Variants in HERC2 observed in about 807,000 individuals in gnomAD.
HERC2 encodes HECT and RLD domain containing E3 ubiquitin protein ligase 2, also known as E3 ubiquitin-protein ligase HERC2.
HERC2 carries 102 observed loss-of-function variants against 537.7 expected under a neutral mutation model. The observed-to-expected ratio is 0.19, with a 90% CI of 0.16 to 0.22. The LOEUF (loss-of-function observed/expected upper bound fraction) is 0.22. HERC2 is among the 10% of genes least tolerant of loss of function. The probability of loss-of-function intolerance (pLI) is 1.00; values close to 1 mark genes in which losing one functional copy is unlikely to be tolerated. For missense variants in HERC2, 4,236 were observed against 6,198.2 expected (o/e 0.68, Z 10.63); for synonymous variants, 2,224 against 2,466.2 (o/e 0.90, Z 2.91).
intron 2 of HERC2, among the ~76,000 whole-genome samples, chr15:28,310,570 TTCAG>T (rs1444950874): frequency 1.3e-5 from 2 of 152,184 alleles, no homozygotes; most frequent in Admixed American, 6.5e-5. Context: ...TCTTCTAGTC[TTCAG>T]TCAGAGGAGG....
At chr15:28,173,945 T>G (rs1340882429) in intron 65 of HERC2, among the ~76,000 whole-genome samples, 1 of 151,982 alleles carries the variant, frequency 6.6e-6, no homozygotes, top group African/African-American at 2.4e-5. Flanking sequence ...AGAGGAACGC[T>G]GGGGTAGTGT....
At chr15:28,317,238 A>G (rs1216809730) in intron 2 of HERC2, among the ~76,000 whole-genome samples, 1 of 152,086 alleles carries the variant, frequency 6.6e-6, no homozygotes, top group African/African-American at 2.4e-5. Context: ...TTACAAGCGC[A>G]CACTACCACG....
chr15:28,210,311 T>C (rs1899039984), intron 44 of HERC2, among the ~76,000 whole-genome samples: 1 of 152,046 alleles, frequency 6.6e-6, no homozygotes, highest in South Asian at 2.1e-4. Flanking sequence ...TGTTTTGTAT[T>C]TTTAGTAGAA....
intron 20 of HERC2, among the ~76,000 whole-genome samples, chr15:28,253,028 C>G (rs1215171603): frequency 3.9e-5 from 6 of 152,218 alleles, no homozygotes; most frequent in Non-Finnish European, 8.8e-5. Flanking sequence ...CAGTGCTTTG[C>G]TTTCTCTATG....
intron 23 of HERC2, among the ~76,000 whole-genome samples, chr15:28,244,229 G>A (rs1046976138): frequency 4.6e-5 from 7 of 152,116 alleles, no homozygotes; most frequent in African/African-American, 1.4e-4. Context: ...CCATCAACAA[G>A]TAGAATGAAT....
chr15:28,209,641 C>G (rs1898914059), intron 44 of HERC2, among the ~76,000 whole-genome samples: 1 of 152,144 alleles, frequency 6.6e-6, no homozygotes, highest in Non-Finnish European at 1.5e-5. Flanking sequence ...CCGCGCCAGG[C>G]CTATATATCA....
chr15:28,141,627 T>A lies in HERC2; in HGVS notation c.11820A>T (p.Arg3940=). The A allele has an allele frequency of 6.2e-7, 1 of 1,614,164 alleles. No homozygotes were observed. Among genetic ancestry groups the A allele is most frequent in the South Asian group, 1.1e-5 (1 of 91,088 alleles). ...DEQLVQWMNR[R]PDDWTLSAGG... ...CAGCAGAGAGAGTCCAGTCATCTGGTCGCCTACAATACACATCAAGTGAGC... is the reference window on the plus strand; with the variant it reads ...CAGCAGAGAGAGTCCAGTCATCTGGACGCCTACAATACACATCAAGTGAGC... Residue 3940 remains arginine (R), a synonymous_variant, in exon 78 of 93, where the codon CGA becomes CGT. Coordinates refer to ENST00000261609, the MANE Select transcript of HERC2 (RefSeq NM_004667.6).
intron 14 of HERC2, among the ~76,000 whole-genome samples, chr15:28,264,305 A>C (rs990753178): frequency 3.3e-5 from 5 of 152,210 alleles, no homozygotes; most frequent in African/African-American, 1.2e-4. Context: ...CTGCATGCCA[A>C]TACAACTCTA....
rs201933251 is a variant in HERC2 at position 28,167,784 on chromosome 15, G to A, written c.10457C>T (p.Pro3486Leu). Reference protein sequence around the residue: ...EDAVTPSAVTPSAPSASARPF... With the variant: ...EDAVTPSAVTLSAPSASARPF... ...CCGAGCGGAGGCTGAGGGGGCCGACGGAGTCACTGCAGAGGGGGTCACTGC... is the reference window on the plus strand; with the variant it reads ...CCGAGCGGAGGCTGAGGGGGCCGACAGAGTCACTGCAGAGGGGGTCACTGC... The change falls in exon 68 of 93, where the codon CCG becomes CTG. Residue 3486 changes from proline to leucine, a missense_variant. Pro to Leu is a moderately conservative substitution (Grantham distance 98). This residue lies in a region of HERC2 where 356 missense variants were observed against 450.9 expected (regional missense o/e 0.79). Transcript: ENST00000261609. 1.2e-5 allele frequency: 20 copies of A among 1,614,152 alleles called. No individual in the cohort carries two copies. Among genetic ancestry groups the A allele is most frequent in the East Asian group, 6.7e-5 (3 of 44,884 alleles).
intron 5 of HERC2, among the ~76,000 whole-genome samples, chr15:28,276,898 C>T (rs932459883): frequency 6.6e-6 from 1 of 151,984 alleles, no homozygotes; most frequent in Non-Finnish European, 1.5e-5. Flanking sequence ...GGAAACACAA[C>T]AAGACCCCAG....
intron 2 of HERC2, chr15:28,316,155 G>T: frequency 3.8e-6 from 1 of 260,750 alleles, no homozygotes; most frequent in Non-Finnish European, 7.8e-6. Context: ...CCTGGGAGGT[G>T]GAGGTTGCAG....
At chr15:28,224,257 T>C (rs1245458046) in intron 35 of HERC2, among the ~76,000 whole-genome samples, 2 of 151,580 alleles carry the variant, frequency 1.3e-5, no homozygotes, top group African/African-American at 2.4e-5. Context: ...TCGCCCAGGC[T>C]GGAGCCCAGG....
chr15:28,114,793 C>A lies in HERC2; in HGVS notation c.13732G>T (p.Asp4578Tyr). ...TIADLSEVDK[D>Y]FIPGLMYIRD... is the part of the protein sequence containing the mutation. ...ATGTACATGAGTCCAGGAATAAAAT[C>A]CTTATCAACCTTTTAAGGAGAAAAA... Residue 4578 changes from aspartate (D) to tyrosine (Y), a missense_variant, in exon 90 of 93, where the codon GAT becomes TAT. Asp to Tyr is a radical substitution (Grantham distance 160, BLOSUM62 -3). Transcript: ENST00000261609. 6.2e-7 allele frequency: 1 copy of A among 1,613,794 alleles called. No homozygotes were observed. Among genetic ancestry groups the A allele is most frequent in the Non-Finnish European group, 8.5e-7 (1 of 1,179,902 alleles).
chr15:28,126,520 G>T (rs966704225), intron 83 of HERC2, among the ~76,000 whole-genome samples: 2 of 152,208 alleles, frequency 1.3e-5, no homozygotes, highest in African/African-American at 2.4e-5. Flanking sequence ...AGAAAATGTG[G>T]TATATATACA....
intron 47 of HERC2, 23 bp from the exon 48 acceptor site, chr15:28,201,577 A>C: frequency 1.4e-6 from 2 of 1,438,666 alleles, no homozygotes. Flanking sequence ...AATACATTCA[A>C]ACAAAAAAAC....
intron 21 of HERC2, among the ~76,000 whole-genome samples, chr15:28,247,268 C>A (rs1186290022): frequency 6.6e-6 from 1 of 151,264 alleles, no homozygotes; most frequent in Admixed American, 6.6e-5. Context: ...GTAGTTAGAT[C>A]TACAGGCATG....
intron 2 of HERC2, among the ~76,000 whole-genome samples, chr15:28,304,165 C>CAAAAAAAAA (rs779514776): frequency 9.4e-5 from 6 of 63,818 alleles, no homozygotes; most frequent in East Asian, 3.7e-4. Context: ...GACTCCATCT[C>CAAAAAAAAA]AAAAAAAAAA....
chr15:28,318,753 G>C (rs1482999706), intron 2 of HERC2, among the ~76,000 whole-genome samples: 1 of 152,014 alleles, frequency 6.6e-6, no homozygotes, highest in Non-Finnish European at 1.5e-5. Context: ...TCCAAATAAT[G>C]TCTATGATAA....
At chr15:28,274,846 A>G in intron 6 of HERC2, 59 bp downstream of exon 6, 1 of 1,363,058 alleles carries the variant, frequency 7.3e-7, no homozygotes, top group Middle Eastern at 1.8e-4. Flanking sequence ...ACCGAGTTCG[A>G]AACCCAGTCT....
Sources: gnomAD v4.1 joint callset for allele counts (sites outside exome capture counted in the v4.1 genomes callset) on GRCh38, gnomAD v4.1.1 for gene constraint, gnomAD v4.1.1 regional missense constraint, MANE v1.5 for transcripts, NCBI Gene and HGNC (gene_info 2026-07-23, HGNC 2026-07-21) for gene names.